Variants in ADAMTS3 observed in about 807,000 individuals in gnomAD.
ADAMTS3 encodes A disintegrin and metalloproteinase with thrombospondin motifs 3.
A neutral mutation model predicts 129.0 loss-of-function variants in ADAMTS3; 73 were observed. That is an observed-to-expected ratio of 0.57 (90% CI 0.47 to 0.69). The LOEUF is 0.69. Ranked by LOEUF, ADAMTS3 falls within the 30% of genes least tolerant of loss-of-function variation. The pLI is 0.00. For synonymous variants in ADAMTS3, 477 were observed against 510.8 expected, an observed-to-expected ratio of 0.93 and a Z score of 0.89; for missense variants, 1,457 against 1,514.5, an observed-to-expected ratio of 0.96 and a Z score of 0.63.
intron 3 of ADAMTS3, among the ~76,000 whole-genome samples, chr4:72,422,976 A>G (rs1722483752): frequency 6.6e-6 from 1 of 152,216 alleles, no homozygotes; most frequent in African/African-American, 2.4e-5. Context: ...AATTAGTCTA[A>G]GTGACATTTT....
chr4:72,501,549 T>C (rs1330887940), intron 3 of ADAMTS3, among the ~76,000 whole-genome samples: 1 of 152,092 alleles, frequency 6.6e-6, no homozygotes, highest in Non-Finnish European at 1.5e-5. Context: ...AGCTCTAGAA[T>C]CATATCATGA....
At chr4:72,302,238 G>T (rs1718969095) in intron 17 of ADAMTS3, among the ~76,000 whole-genome samples, 1 of 150,072 alleles carries the variant, frequency 6.7e-6, no homozygotes, top group South Asian at 2.1e-4. Flanking sequence ...TGAAGACCCA[G>T]AACTTAAAGG....
Position 72,298,417 on chromosome 4 carries a change from C to T in ADAMTS3, c.2450G>A (p.Arg817His), listed in dbSNP as rs559836113. 25 of 1,606,104 alleles carry T rather than the reference C, an allele frequency of 1.6e-5. No individual in the cohort carries two copies. Among genetic ancestry groups the T allele is most frequent in the Middle Eastern group, 1.7e-4 (1 of 6,028 alleles). Residue 817 changes from arginine to histidine, a missense_variant, in exon 18 of 22, where the codon CGC becomes CAC. Coordinates refer to ENST00000286657, the MANE Select transcript of ADAMTS3 (RefSeq NM_014243.3). ...VLIIPQENDT[R>H]SSLTYKYIIH... ...GATGTACTTATATGTCAGGCTAGAG[C>T]GGGTATCATTTTCTTGAGGTATAAT... is the stretch of plus-strand genomic sequence containing the variant.
chr4:72,480,497 AGAACACATGGACACAGGAAGGG>A (rs1372425354), intron 3 of ADAMTS3, among the ~76,000 whole-genome samples: 1 of 152,044 alleles, frequency 6.6e-6, no homozygotes, highest in East Asian at 1.9e-4. Flanking sequence ...TTGAACAATG[AGAACACATGGACACAGGAAGGG>A]GAACATAACA....
intron 4 of ADAMTS3, among the ~76,000 whole-genome samples, chr4:72,391,519 C>A (rs1721595437): frequency 1.3e-5 from 2 of 152,104 alleles, no homozygotes; most frequent in South Asian, 4.1e-4. Context: ...ACAAGAAGGG[C>A]TGGATGGGAG....
intron 10 of ADAMTS3, among the ~76,000 whole-genome samples, chr4:72,316,552 T>TGG (rs1358557433): frequency 1.8e-4 from 28 of 151,916 alleles, no homozygotes. Flanking sequence ...GCCAGGCATG[T>TGG]TGGTGCATGC....
At chr4:72,339,359 A>G (rs964402800) in intron 5 of ADAMTS3, 135 bp downstream of exon 5, 3 of 760,962 alleles carry the variant, frequency 3.9e-6, no homozygotes, top group Non-Finnish European at 6.5e-6. Flanking sequence ...GTAGATCAAT[A>G]ATTTAAATTT....
intron 4 of ADAMTS3, among the ~76,000 whole-genome samples, chr4:72,378,052 A>G (rs1043485114): frequency 6.6e-6 from 1 of 152,186 alleles, no homozygotes; most frequent in Non-Finnish European, 1.5e-5. Flanking sequence ...TTGGCAAAAA[A>G]TACTCTTCCT....
intron 4 of ADAMTS3, among the ~76,000 whole-genome samples, chr4:72,393,548 CTG>C (rs1175705174): frequency 7.2e-5 from 11 of 152,198 alleles, no homozygotes; most frequent in African/African-American, 2.7e-4. Context: ...AAGTCAGTAT[CTG>C]TGCTATCACT....
At chr4:72,524,546 TATTA>T (rs760750495) in intron 3 of ADAMTS3, among the ~76,000 whole-genome samples, 73 of 152,074 alleles carry the variant, frequency 4.8e-4, no homozygotes, top group Admixed American at 9.2e-4. Context: ...TTATTATTAT[TATTA>T]ATTATTATTA....
intron 3 of ADAMTS3, among the ~76,000 whole-genome samples, chr4:72,470,394 C>G (rs1719040253): frequency 1.4e-5 from 2 of 146,626 alleles, no homozygotes; most frequent in Admixed American, 1.4e-4. Context: ...CACACACACA[C>G]ACACACACAC....
intron 20 of ADAMTS3, among the ~76,000 whole-genome samples, chr4:72,290,335 A>G (rs1718623468): frequency 6.6e-6 from 1 of 152,180 alleles, no homozygotes. Context: ...GAAAGGTACC[A>G]CCTGGAAGGT....
At chr4:72,456,489 C>G (rs1044618243) in intron 3 of ADAMTS3, among the ~76,000 whole-genome samples, 2 of 148,178 alleles carry the variant, frequency 1.3e-5, no homozygotes, top group African/African-American at 5.0e-5. Context: ...TCTGGCTCCA[C>G]AAAACCTAAA....
intron 4 of ADAMTS3, among the ~76,000 whole-genome samples, chr4:72,349,304 T>TTTGATCATACATGA (rs1450935080): frequency 6.6e-6 from 1 of 152,078 alleles, no homozygotes; most frequent in Non-Finnish European, 1.5e-5. Flanking sequence ...GTTATGGCTG[T>TTTGATCATACATGA]TTGATCATAC....
rs772206043 is a variant in ADAMTS3, at chr4:72,568,815, AC to A, written c.-54del. The A allele has an allele frequency of 4.9e-5, 57 of 1,153,350 alleles. 2 individuals are homozygous for A. Among genetic ancestry groups the A allele is most frequent in the Middle Eastern group, 2.4e-4 (1 of 4,236 alleles). 71.4% of individuals were successfully genotyped at this position (1,153,350 alleles called of 1,614,324 possible). ...TGGGCAAAGCAAATGCCCAGAGCAA[AC>A]CCACCCCCCCCGCCCAAAATAAGTT... On this transcript the variant is annotated 5_prime_UTR_variant, in exon 1 of 22. Transcript: ENST00000286657.
At chr4:72,343,304 T>G (rs1452063911) in intron 4 of ADAMTS3, among the ~76,000 whole-genome samples, 1 of 152,182 alleles carries the variant, frequency 6.6e-6, no homozygotes, top group Non-Finnish European at 1.5e-5. Context: ...CCCCCTTTCC[T>G]ATTGGCACAA....
chr4:72,363,532 G>C (rs1484528943), intron 4 of ADAMTS3, among the ~76,000 whole-genome samples: 1 of 152,110 alleles, frequency 6.6e-6, no homozygotes, highest in East Asian at 1.9e-4. Context: ...TTGGCAATGT[G>C]ATTTTAAAAT....
chr4:72,323,135 A>T, intron 5 of ADAMTS3, 38 bp from the exon 6 acceptor site: 2 of 1,509,168 alleles, frequency 1.3e-6, no homozygotes, highest in Non-Finnish European at 1.8e-6. Flanking sequence ...AAGAAAGGAA[A>T]CACCGAGGAT....
At chr4:72,460,444 C>T (rs2109983111) in intron 3 of ADAMTS3, among the ~76,000 whole-genome samples, 1 of 151,352 alleles carries the variant, frequency 6.6e-6, no homozygotes, top group East Asian at 2.0e-4. Flanking sequence ...GTAGACACCC[C>T]ACCTGAAATA....
Sources: allele counts gnomAD v4.1 joint callset (sites outside exome capture counted in the v4.1 genomes callset), GRCh38; gene constraint gnomAD v4.1.1; transcripts MANE v1.5; gene names NCBI Gene and HGNC (gene_info 2026-07-23, HGNC 2026-07-21).